GPR137C: variants seen among roughly 807,000 people sequenced by gnomAD.
GPR137C encodes the protein integral membrane protein GPR137C.
GPR137C carries 27 observed loss-of-function variants against 43.4 expected under a neutral mutation model. The ratio of observed to expected loss-of-function variants is 0.62; its 90% CI spans 0.46 to 0.86. GPR137C has a LOEUF of 0.86. GPR137C is among the 40% of genes least tolerant of loss of function. The probability of loss-of-function intolerance (pLI) is 0.00; values close to 1 mark genes in which losing one functional copy is unlikely to be tolerated. For missense variants in GPR137C, 522 were observed against 534.6 expected, an observed-to-expected ratio of 0.98 and a Z score of 0.23; for synonymous variants, 285 against 226.9, an observed-to-expected ratio of 1.26 and a Z score of -2.30.
At chr14:52,614,529 C>G (rs1453350370) in intron 3 of GPR137C, among the ~76,000 whole-genome samples, 3 of 151,946 alleles carry the variant, frequency 2.0e-5, no homozygotes, top group African/African-American at 4.8e-5. Flanking sequence ...ACTCTGTTGA[C>G]TAGGCTAGAG....
In GPR137C at chr14:52,600,201, C is replaced by G; in HGVS notation, c.577C>G (p.Pro193Ala). 1 of 1,613,674 alleles carries G rather than the reference C, an allele frequency of 6.2e-7. No individual in the cohort carries two copies. The change falls in exon 3 of 7, where the codon CCA becomes GCA. Residue 193 changes from proline (P) to alanine (A), a missense_variant. Pro to Ala is a conservative substitution (Grantham distance 27). Around this residue, in one of 3 missense-constraint regions of GPR137C, gnomAD observed 437 missense variants for 425.7 expected, o/e 1.03. Transcript: ENST00000321662. ...CGCAATGCTAGTTCATGGAGATGTC[C>G]CAGAAAATCAGTTGAAGTGGACTGT... ...TCAMLVHGDVPENQLKWTVFV... is the reference protein window; with the variant it reads ...TCAMLVHGDVAENQLKWTVFV...
At chr14:52,620,246 G>A (rs984703301) in intron 3 of GPR137C, among the ~76,000 whole-genome samples, 20 of 151,912 alleles carry the variant, frequency 1.3e-4, no homozygotes, top group African/African-American at 4.6e-4. Flanking sequence ...GGAAATCTCA[G>A]GAAGAAGATA....
intron 1 of GPR137C, among the ~76,000 whole-genome samples, chr14:52,596,542 C>G (rs948080014): frequency 6.6e-6 from 1 of 152,338 alleles, no homozygotes; most frequent in East Asian, 1.9e-4. Context: ...GATGCCCCTC[C>G]CCCTGCTGGG....
chr14:52,574,872 TCTG>T (rs2038527804), intron 1 of GPR137C, among the ~76,000 whole-genome samples: 1 of 152,136 alleles, frequency 6.6e-6, no homozygotes, highest in Non-Finnish European at 1.5e-5. Context: ...AAAAAGCAAT[TCTG>T]CTGTCTTCCT....
chr14:52,614,917 C>CA lies in GPR137C; in HGVS notation c.717+14577dup, dbSNP rs2039081901. Among the ~76,000 whole-genome samples the CA allele has an allele frequency of 2.0e-5, 3 of 152,264 alleles. No individual in the cohort carries two copies. In the South Asian group the frequency reaches 6.2e-4, roughly 32 times the overall value. On this transcript the variant is annotated intron_variant, in intron 3 of 6. Coordinates refer to ENST00000321662, the MANE Select transcript of GPR137C (RefSeq NM_001099652.2). ...TTTTCCATTCTGTGGGTTGTCTCTT[C>CA]ACTTTCTTAACTGTTTCCTTTGCTG...
chr14:52,622,137 A>G (rs2039169048), intron 3 of GPR137C, among the ~76,000 whole-genome samples: 2 of 151,974 alleles, frequency 1.3e-5, no homozygotes, highest in Non-Finnish European at 2.9e-5. Flanking sequence ...TCACACATAT[A>G]TATAGTTGGA....
rs368430201 is a variant in GPR137C at position 52,600,279 on chromosome 14, T to G, written c.655T>G (p.Leu219Val). The change falls in exon 3 of 7, where the codon TTA (leucine) becomes GTA (valine). Residue 219 changes from leucine to valine, a missense_variant. Transcript: ENST00000321662. ...DSLFILCAIS[L>V]VCYICKITKM... ...CCTGTTTATTCTTTGTGCCATCTCT[T>G]TAGTGTGTTACATATGCAAAATTAC... 7.4e-6 allele frequency: 12 copies of G among 1,613,326 alleles called. No homozygotes were observed. The highest frequency in any genetic ancestry group is 9.3e-6 in the Non-Finnish European group (11 of 1,179,516).
rs2039344187 is a variant in GPR137C at position 52,635,553 on chromosome 14, A to G, written c.*438A>G. 1 of 152,648 alleles carries G rather than the reference A, an allele frequency of 6.6e-6. No individual in the cohort carries two copies. 9.5% of individuals were successfully genotyped at this position (152,648 alleles called of 1,614,324 possible). On this transcript the variant is annotated 3_prime_UTR_variant, in exon 7 of 7. Transcript: ENST00000321662. ...GCTCTATACAGATATCTTAATAAAAATTTTATAGTGTGAACAGTGCACAGA... is the reference window on the plus strand; with the variant it reads ...GCTCTATACAGATATCTTAATAAAAGTTTTATAGTGTGAACAGTGCACAGA...
In GPR137C at chr14:52,636,624, A is replaced by G. The variant is rs571895283; in HGVS notation, c.*1509A>G. 2.0e-5 allele frequency: 3 copies of G among 152,316 alleles called. No homozygotes were observed. The East Asian group carries it at 5.8e-4, about 29-fold the overall frequency. 9.4% of individuals were successfully genotyped at this position (152,316 alleles called of 1,614,324 possible). ...ACTGATACAATAACTTCATAAAAGTATAACACTAGGTTGAAACCTTAAGGA... is the reference window on the plus strand; with the variant it reads ...ACTGATACAATAACTTCATAAAAGTGTAACACTAGGTTGAAACCTTAAGGA... On this transcript the variant is annotated 3_prime_UTR_variant, in exon 7 of 7. Coordinates refer to ENST00000321662, the MANE Select transcript of GPR137C (RefSeq NM_001099652.2).
chr14:52,613,910 G>T (rs2039067375), intron 3 of GPR137C, among the ~76,000 whole-genome samples: 2 of 152,106 alleles, frequency 1.3e-5, no homozygotes, highest in Non-Finnish European at 2.9e-5. Context: ...TCTGTTTTTA[G>T]TTTTTTGAGG....
At chr14:52,574,501 G>T (rs112817708) in intron 1 of GPR137C, among the ~76,000 whole-genome samples, 276 of 152,224 alleles carry the variant, frequency 1.8e-3, no homozygotes, top group African/African-American at 6.4e-3. Flanking sequence ...CTCATAGGTG[G>T]GAGTTGAACA....
chr14:52,629,539 A>G (rs1021085137), intron 3 of GPR137C, among the ~76,000 whole-genome samples: 2 of 152,180 alleles, frequency 1.3e-5, no homozygotes, highest in Admixed American at 1.3e-4. Context: ...GATACATCCA[A>G]AAACAAGGAT....
intron 3 of GPR137C, among the ~76,000 whole-genome samples, chr14:52,610,163 C>T (rs540746882): frequency 1.0e-3 from 154 of 152,332 alleles, no homozygotes; most frequent in Admixed American, 3.0e-3. Context: ...CTACATCTGT[C>T]ACCCTCTTTT....
At chr14:52,633,048 C>G (rs1290942163) in intron 4 of GPR137C, among the ~76,000 whole-genome samples, 1 of 151,920 alleles carries the variant, frequency 6.6e-6, no homozygotes, top group Non-Finnish European at 1.5e-5. Flanking sequence ...TTTCCATTTC[C>G]CTCTTCCAAC....
chr14:52,571,445 C>T (rs899374611), intron 1 of GPR137C, among the ~76,000 whole-genome samples: 7 of 152,002 alleles, frequency 4.6e-5, no homozygotes, highest in Admixed American at 1.3e-4. Flanking sequence ...GAGGCCGAGG[C>T]GGGTGGATCA....
In GPR137C at chr14:52,553,122, T is replaced by C; in HGVS notation, c.-26T>C. The C allele has an allele frequency of 8.7e-7, 1 of 1,150,234 alleles. No homozygotes were observed. Among genetic ancestry groups the C allele is most frequent in the Non-Finnish European group, 1.1e-6 (1 of 935,384 alleles). The allele number at this position is 1,150,234 out of a possible 1,614,324, so 71.3% of individuals were successfully genotyped here. A position where few individuals can be genotyped will look rare whatever the true frequency, so the allele number is the denominator to read the frequency against. ...GAGTCCAGCCCCTTCCTTCCCGCGC[T>C]CGCTCGCCCGGCCCCCAGCCCCCTC... On this transcript the variant is annotated 5_prime_UTR_variant, in exon 1 of 7. Coordinates refer to ENST00000321662, the MANE Select transcript of GPR137C (RefSeq NM_001099652.2).
At chr14:52,575,704 C>A (rs2038539985) in intron 1 of GPR137C, among the ~76,000 whole-genome samples, 1 of 152,096 alleles carries the variant, frequency 6.6e-6, no homozygotes, top group Admixed American at 6.6e-5. Flanking sequence ...ACAAATATAT[C>A]AAAGAAAACC....
At chr14:52,583,906 A>G (rs1156804610) in intron 1 of GPR137C, among the ~76,000 whole-genome samples, 1 of 151,578 alleles carries the variant, frequency 6.6e-6, no homozygotes, top group African/African-American at 2.4e-5. Context: ...GCATGACCAC[A>G]CCTTGGATCA....
intron 3 of GPR137C, among the ~76,000 whole-genome samples, chr14:52,608,256 T>G (rs2039003355): frequency 6.6e-6 from 1 of 152,208 alleles, no homozygotes; most frequent in Non-Finnish European, 1.5e-5. Context: ...TTATTTTTAG[T>G]GTATCTGTTA....
Sources: gnomAD v4.1 joint callset for allele counts (sites outside exome capture counted in the v4.1 genomes callset) on GRCh38, gnomAD v4.1.1 for gene constraint, gnomAD v4.1.1 regional missense constraint, MANE v1.5 for transcripts, NCBI Gene and HGNC (gene_info 2026-07-23, HGNC 2026-07-21) for gene names.